The following TDRD12 variants were observed in gnomAD, a reference collection of about 807,000 sequenced individuals.
The protein encoded by TDRD12 is tudor domain containing 12, also known as putative ATP-dependent RNA helicase TDRD12.
In TDRD12, 158 loss-of-function variants were observed where a neutral mutation model predicts 133.5. The observed-to-expected ratio is 1.18, with a 90% CI of 1.04 to 1.35. The LOEUF (loss-of-function observed/expected upper bound fraction) is 1.35. TDRD12 is among the 40% of genes most tolerant of loss of function. The pLI, the probability that TDRD12 is intolerant of heterozygous loss-of-function variation, is 0.00. For missense variants in TDRD12, 1,443 were observed against 1,321.3 expected, an observed-to-expected ratio of 1.09 and a Z score of -1.43; for synonymous variants, 460 against 477.9, an observed-to-expected ratio of 0.96 and a Z score of 0.49.
chr19:32,791,144 C>T (rs1971059208), intron 13 of TDRD12, 76 bp downstream of exon 13: 1 of 1,415,370 alleles, frequency 7.1e-7, no homozygotes, highest in Non-Finnish European at 9.4e-7. Flanking sequence ...AAATAAATGG[C>T]TCTAAGGTTG....
Position 32,740,843 on chromosome 19 carries a change from G to A in TDRD12, c.320+1851G>A, listed in dbSNP as rs112539191. 1.4e-4 allele frequency among the ~76,000 whole-genome samples: 22 copies of A among 152,292 alleles called. 1 individual carries two copies. Among genetic ancestry groups the A allele is most frequent in the African/African-American group, 5.3e-4 (22 of 41,556 alleles). Reference sequence around the variant, plus strand: ...TGACCATCAATGAGGTTGGGAGATGGCTCAGAATGAGCTGTTGCCAAGATG... The same window carrying A: ...TGACCATCAATGAGGTTGGGAGATGACTCAGAATGAGCTGTTGCCAAGATG... On this transcript the variant is annotated intron_variant, in intron 3 of 27. Transcript: ENST00000444215.
chr19:32,800,570 C>T, intron 17 of TDRD12, 74 bp from the exon 18 acceptor site: 2 of 1,280,812 alleles, frequency 1.6e-6, no homozygotes, highest in East Asian at 2.7e-5. Context: ...ATTAAAATCC[C>T]AACACCTGTG....
chr19:32,725,812 G>A (rs187537466), intron 1 of TDRD12, among the ~76,000 whole-genome samples: 1 of 152,032 alleles, frequency 6.6e-6, no homozygotes, highest in East Asian at 1.9e-4. Context: ...GGACAGTACG[G>A]CCATTTTCAC....
rs910717111 is a variant in TDRD12, at chr19:32,795,344, A to G, written c.1473+531A>G. Reference sequence around the variant, plus strand: ...GCAAAACTCCATCTCAGAAAAAAAAAAAAAAAAAGAAAGAAAAAGAAAAAA... The same window carrying G: ...GCAAAACTCCATCTCAGAAAAAAAAGAAAAAAAAGAAAGAAAAAGAAAAAA... On this transcript the variant is annotated intron_variant, in intron 14 of 27. Transcript: ENST00000444215. Among the ~76,000 whole-genome samples, 356 of 152,062 alleles carry G rather than the reference A, an allele frequency of 2.3e-3. 2 individuals carry two copies. The highest frequency in any genetic ancestry group is 4.2e-3 in the Non-Finnish European group (288 of 67,964).
intron 21 of TDRD12, among the ~76,000 whole-genome samples, chr19:32,806,898 G>A (rs920515030): frequency 6.6e-6 from 1 of 151,970 alleles, no homozygotes; most frequent in Non-Finnish European, 1.5e-5. Flanking sequence ...CTGACCTCAG[G>A]TTATTTGCCT....
At chr19:32,809,977 GTTGCTAAGCT>G (rs1284399406) in intron 22 of TDRD12, 106 bp from the exon 23 acceptor site, 1 of 592,082 alleles carries the variant, frequency 1.7e-6, no homozygotes, top group Non-Finnish European at 2.5e-6. Context: ...CTAAATCCAC[GTTGCTAAGCT>G]TTGGTTTCTT....
At chr19:32,810,388 G>A (rs1966961668) in intron 23 of TDRD12, 111 bp downstream of exon 23, 3 of 879,830 alleles carry the variant, frequency 3.4e-6, no homozygotes, top group Non-Finnish European at 4.9e-6. Flanking sequence ...ATGTGAGCCT[G>A]GTGACAGCGG....
intron 25 of TDRD12, 89 bp from the exon 26 acceptor site, chr19:32,815,359 T>C (rs541713251): frequency 8.8e-7 from 1 of 1,138,196 alleles, no homozygotes; most frequent in Admixed American, 2.5e-5. Context: ...GCAGGCTGAA[T>C]GAACCAGAGA....
rs182361999 is a variant in TDRD12 at position 32,816,971 on chromosome 19, C to A, written c.3315-1118C>A. 5.0e-4 allele frequency among the ~76,000 whole-genome samples: 76 copies of A among 152,262 alleles called. 1 individual carries two copies. Among genetic ancestry groups the A allele is most frequent in the Admixed American group, 4.9e-3 (75 of 15,292 alleles). On this transcript the variant is annotated intron_variant, in intron 26 of 27. Transcript: ENST00000444215. ...GAGTAACACCACAGCATGCCCAGCC[C>A]ACCAGAGAGGGGAATGAGAGAAGGA...
At chr19:32,726,948 A>C (rs1462217091) in intron 1 of TDRD12, among the ~76,000 whole-genome samples, 1 of 152,170 alleles carries the variant, frequency 6.6e-6, no homozygotes, top group Non-Finnish European at 1.5e-5. Context: ...GTGGATCTAC[A>C]CCCAATAGTG....
At chr19:32,774,038 G>A (rs974700311) in intron 10 of TDRD12, among the ~76,000 whole-genome samples, 2 of 152,206 alleles carry the variant, frequency 1.3e-5, no homozygotes, top group African/African-American at 4.8e-5. Context: ...TGGTTACCCA[G>A]GGCGGAAAGA....
At chr19:32,757,789 AC>A (rs1970038950) in intron 8 of TDRD12, among the ~76,000 whole-genome samples, 1 of 152,224 alleles carries the variant, frequency 6.6e-6, no homozygotes, top group Non-Finnish European at 1.5e-5. Context: ...CCAAGAACCT[AC>A]TGATGAGTCA....
exon 28 of TDRD12, chr19:32,821,232 T>C: frequency 9.3e-7 from 1 of 1,074,036 alleles, no homozygotes; most frequent in East Asian, 2.6e-5. Context: ...AGATGAAATG[T>C]AGAGAAGATG....
At chr19:32,767,853 A>C (rs1970342034) in intron 8 of TDRD12, among the ~76,000 whole-genome samples, 1 of 152,202 alleles carries the variant, frequency 6.6e-6, no homozygotes, top group African/African-American at 2.4e-5. Flanking sequence ...GGGTTCTGTT[A>C]CCTCAGAGTT....
At chr19:32,741,474 G>T (rs573221769) in intron 3 of TDRD12, among the ~76,000 whole-genome samples, 2 of 152,230 alleles carry the variant, frequency 1.3e-5, no homozygotes, top group Admixed American at 1.3e-4. Context: ...GGTGCCATTC[G>T]AGCTTGTGAT....
At chr19:32,796,414 GTC>G (rs1213135072) in intron 14 of TDRD12, among the ~76,000 whole-genome samples, 8 of 152,042 alleles carry the variant, frequency 5.3e-5, no homozygotes, top group Non-Finnish European at 1.5e-5. Context: ...GTGAAACCCT[GTC>G]TCTACTAAAA....
intron 4 of TDRD12, among the ~76,000 whole-genome samples, chr19:32,744,206 T>C (rs1969521451): frequency 6.6e-6 from 1 of 151,572 alleles, no homozygotes; most frequent in African/African-American, 2.4e-5. Context: ...CCCGTAAGTA[T>C]ATGGATGAAT....
Position 32,756,248 on chromosome 19 carries a change from T to C in TDRD12, c.772+67T>C, listed in dbSNP as rs912388887. On this transcript the variant is annotated intron_variant, in intron 7 of 27. Transcript: ENST00000444215. ...TATTAATAATCTTAGTGTATAGATA[T>C]AAGTTGTACAGACTTTTCCCCACAT... 8 of 1,296,178 alleles carry C rather than the reference T, an allele frequency of 6.2e-6. No individual in the cohort carries two copies. The African/African-American group carries it at 6.2e-5, about 10-fold the overall frequency. 80.3% of individuals were successfully genotyped at this position (1,296,178 alleles called of 1,614,324 possible).
At chr19:32,812,625 G>A (rs774013761) in intron 24 of TDRD12, among the ~76,000 whole-genome samples, 7 of 152,164 alleles carry the variant, frequency 4.6e-5, no homozygotes, top group Non-Finnish European at 8.8e-5. Context: ...GGATGTAGCC[G>A]TCAGCAAGAA....
Sources: allele counts gnomAD v4.1 joint callset (sites outside exome capture counted in the v4.1 genomes callset), GRCh38; gene constraint gnomAD v4.1.1; transcripts MANE v1.5; gene names NCBI Gene and HGNC (gene_info 2026-07-23, HGNC 2026-07-21).